Variants in SCEL observed in about 807,000 individuals in gnomAD.
SCEL encodes sciellin.
A neutral mutation model predicts 117.6 loss-of-function variants in SCEL; 113 were observed. The ratio of observed to expected loss-of-function variants is 0.96; its 90% CI spans 0.83 to 1.12. SCEL has a LOEUF of 1.12. Ranked by LOEUF, SCEL falls within the 50% of genes most tolerant of loss-of-function variation. The probability of loss-of-function intolerance (pLI) is 0.00; values close to 1 mark genes in which losing one functional copy is unlikely to be tolerated. For synonymous variants in SCEL, 270 were observed against 256.2 expected (o/e 1.05, Z -0.51); for missense variants, 785 against 810.8 (o/e 0.97, Z 0.39).
At chr13:77,599,506 G>C in intron 14 of SCEL, 118 bp downstream of exon 14, 2 of 912,810 alleles carry the variant, frequency 2.2e-6, no homozygotes, top group Non-Finnish European at 3.5e-6. Flanking sequence ...TGGCAGATGG[G>C]GTAGTGCTCT....
intron 1 of SCEL, among the ~76,000 whole-genome samples, chr13:77,553,485 C>T (rs1040358007): frequency 6.6e-6 from 1 of 152,070 alleles, no homozygotes; most frequent in Non-Finnish European, 1.5e-5. Flanking sequence ...AGAGGCTAGC[C>T]AAAAGTCCTG....
chr13:77,589,487 TAC>T (rs774311487), intron 10 of SCEL, among the ~76,000 whole-genome samples: 2 of 152,334 alleles, frequency 1.3e-5, no homozygotes, highest in African/African-American at 2.4e-5. Flanking sequence ...AAAGTGTTTG[TAC>T]ACAGACTTTT....
intron 24 of SCEL, among the ~76,000 whole-genome samples, chr13:77,616,139 T>G (rs558570711): frequency 6.3e-4 from 96 of 152,000 alleles, no homozygotes; most frequent in Non-Finnish European, 1.1e-3. Flanking sequence ...TGTTCTAGAT[T>G]ATTAGGTAAA....
chr13:77,569,156 A>G (rs554298917), intron 7 of SCEL, among the ~76,000 whole-genome samples: 4 of 152,324 alleles, frequency 2.6e-5, no homozygotes, highest in African/African-American at 7.2e-5. Context: ...TCTTTATTCT[A>G]TTCCTTTAGT....
At chr13:77,567,822 T>C in intron 6 of SCEL, 74 bp downstream of exon 6, 5 of 871,006 alleles carry the variant, frequency 5.7e-6, no homozygotes, top group Non-Finnish European at 7.3e-6. Context: ...TACTTGCAAT[T>C]CTTCAATCCT....
intron 1 of SCEL, among the ~76,000 whole-genome samples, chr13:77,542,367 T>A (rs2083753796): frequency 6.6e-6 from 1 of 152,150 alleles, no homozygotes; most frequent in African/African-American, 2.4e-5. Context: ...GCCATTGCAC[T>A]CCAGCCTGGG....
chr13:77,618,031 G>A lies in SCEL; in HGVS notation c.1599G>A (p.Val533=). 1 of 1,613,226 alleles carries A rather than the reference G, an allele frequency of 6.2e-7. No individual in the cohort carries two copies. Among genetic ancestry groups the A allele is most frequent in the African/African-American group, 1.3e-5 (1 of 74,986 alleles). ...AAGACTTGGACAATCTTATTAAAGT[G>A]AAACCTTCAGCTCTTAGAAACACTA... The part of the protein sequence containing the change: ...QSQDLDNLIK[V]KPSALRNTNR... The change falls in exon 27 of 33, where the codon GTG becomes GTA. Residue 533 remains valine, a synonymous_variant. Transcript: ENST00000349847.
At chr13:77,560,128 C>T (rs1173002735) in intron 4 of SCEL, among the ~76,000 whole-genome samples, 1 of 152,048 alleles carries the variant, frequency 6.6e-6, no homozygotes, top group Non-Finnish European at 1.5e-5. Flanking sequence ...AAAGGACTCT[C>T]ATAGAAACAC....
chr13:77,545,309 A>T (rs1356863966), intron 1 of SCEL, among the ~76,000 whole-genome samples: 1 of 152,240 alleles, frequency 6.6e-6, no homozygotes, highest in East Asian at 1.9e-4. Flanking sequence ...AAGTGTCAAT[A>T]TGTGGGTGTT....
chr13:77,642,744 G>C lies in SCEL; in HGVS notation c.1986G>C (p.Ala662=). The C allele has an allele frequency of 6.2e-7, 1 of 1,604,562 alleles. No individual in the cohort carries two copies. Among genetic ancestry groups the C allele is most frequent in the Non-Finnish European group, 8.5e-7 (1 of 1,175,266 alleles). ...ICKQPLENLQ[A]GDSIWIYRQT... ...AGCAGCCTTTGGAAAATCTACAAGC[G>C]GGTGATAGTATTTGGATTTATAGAC... Residue 662 remains alanine (A), a synonymous_variant, in exon 32 of 33, where the codon GCG becomes GCC. Coordinates refer to ENST00000349847, the MANE Select transcript of SCEL (RefSeq NM_144777.3).
intron 24 of SCEL, among the ~76,000 whole-genome samples, chr13:77,617,216 T>A (rs1029482943): frequency 1.3e-5 from 2 of 152,114 alleles, no homozygotes; most frequent in Admixed American, 1.3e-4. Flanking sequence ...TAATCCTCAA[T>A]TTAGAGTTTA....
At chr13:77,583,055 A>C (rs571209163) in intron 9 of SCEL, among the ~76,000 whole-genome samples, 1 of 152,312 alleles carries the variant, frequency 6.6e-6, no homozygotes, top group Admixed American at 6.5e-5. Context: ...GTTCTTATAG[A>C]GCCAACTTAA....
At chr13:77,596,890 C>G (rs775697429) in intron 12 of SCEL, 4 of 152,106 alleles carry the variant, frequency 2.6e-5, no homozygotes, top group Non-Finnish European at 5.9e-5. Context: ...ATTCCTGAAC[C>G]TAAGTATTTA....
At chr13:77,615,546 G>T (rs907824919) in intron 24 of SCEL, among the ~76,000 whole-genome samples, 2 of 152,032 alleles carry the variant, frequency 1.3e-5, no homozygotes, top group Non-Finnish European at 2.9e-5. Flanking sequence ...TAAACTGCAT[G>T]AAAGTAATAA....
chr13:77,551,668 C>G (rs954683688), intron 1 of SCEL, among the ~76,000 whole-genome samples: 10 of 152,110 alleles, frequency 6.6e-5, no homozygotes, highest in Admixed American at 6.5e-4. Flanking sequence ...ACCCTAAGGG[C>G]CTCGTTTTTT....
intron 27 of SCEL, 22 bp from the exon 28 acceptor site, chr13:77,627,925 A>T: frequency 1.0e-6 from 1 of 1,003,620 alleles, no homozygotes; most frequent in South Asian, 1.6e-5. Context: ...AATTATTCAT[A>T]TATATATATT....
Position 77,589,176 on chromosome 13 carries a change from A to T in SCEL, c.578A>T (p.Lys193Met). ...EPGVHPPIPP[K>M]PSSPVSSPNQ... ...GGTGTTCACCCTCCAATACCTCCAA[A>T]GCCCAGTTCTCCTGTTTCTTCTCCT... The change falls in exon 10 of 33, where the codon AAG (lysine) becomes ATG (methionine). Residue 193 changes from lysine (K) to methionine (M), a missense_variant. Coordinates refer to ENST00000349847, the MANE Select transcript of SCEL (RefSeq NM_144777.3). 6.2e-7 allele frequency: 1 copy of T among 1,613,250 alleles called. No individual in the cohort carries two copies. The highest frequency in any genetic ancestry group is 8.5e-7 in the Non-Finnish European group (1 of 1,179,282).
At chr13:77,608,003 G>C in intron 19 of SCEL, 53 bp from the exon 20 acceptor site, 1 of 1,359,404 alleles carries the variant, frequency 7.4e-7, no homozygotes, top group Non-Finnish European at 1.0e-6. Context: ...CTTGTTGTCA[G>C]TCTACCATTG....
At chr13:77,635,847 C>A (rs1320233791) in intron 29 of SCEL, among the ~76,000 whole-genome samples, 1 of 152,064 alleles carries the variant, frequency 6.6e-6, no homozygotes, top group Non-Finnish European at 1.5e-5. Context: ...ATCAGCATGA[C>A]CTGGGAACTT....
Sources: gnomAD v4.1 joint callset for allele counts (sites outside exome capture counted in the v4.1 genomes callset) on GRCh38, gnomAD v4.1.1 for gene constraint, MANE v1.5 for transcripts, NCBI Gene and HGNC (gene_info 2026-07-23, HGNC 2026-07-21) for gene names.